NME5: variants seen among roughly 807,000 people sequenced by gnomAD.
NME5 encodes the protein NME/NM23 family member 5, also known as nucleoside diphosphate kinase 5.
A neutral mutation model predicts 21.6 loss-of-function variants in NME5; 18 were observed. That is an observed-to-expected ratio of 0.83 (90% CI 0.58 to 1.24). NME5 has a LOEUF of 1.24. Ranked by LOEUF, NME5 falls within the 50% of genes most tolerant of loss-of-function variation. The pLI is 0.00. For synonymous variants in NME5, 70 were observed against 80.6 expected (o/e 0.87, Z 0.71); for missense variants, 223 against 255.4 (o/e 0.87, Z 0.86).
chr5:138,122,871 G>T (rs2151160820), intron 4 of NME5: 1 of 151,652 alleles, frequency 6.6e-6, no homozygotes, highest in South Asian at 2.1e-4. Context: ...GCAGAGATGG[G>T]GTTTCACTAT....
intron 4 of NME5, among the ~76,000 whole-genome samples, chr5:138,122,699 A>G (rs1407881752): frequency 6.8e-6 from 1 of 147,786 alleles, no homozygotes; most frequent in African/African-American, 2.5e-5. Context: ...TTTTTTTGAG[A>G]CATGGTCTTG....
At position 138,115,492 on chromosome 5, in the gene NME5, C is replaced by T. The variant is rs548360823; in HGVS notation, c.*189G>A. 2.4e-6 allele frequency: 1 copy of T among 413,840 alleles called. No homozygotes were observed. Among genetic ancestry groups the T allele is most frequent in the Admixed American group, 4.0e-5 (1 of 24,888 alleles). 25.6% of individuals were successfully genotyped at this position (413,840 alleles called of 1,614,324 possible). On this transcript the variant is annotated 3_prime_UTR_variant, in exon 6 of 6. Coordinates refer to ENST00000265191, the MANE Select transcript of NME5 (RefSeq NM_003551.3). The stretch of plus-strand genomic sequence containing the variant: ...GTGTTACATCATTGTTAAAATCATA[C>T]TCTAAGCCTATATTTTACCTTAATG...
In NME5 at chr5:138,122,441, T is replaced by TAAAAAA. The variant is rs70979581; in HGVS notation, c.437-3511_437-3506dup. Among the ~76,000 whole-genome samples, 15 of 34,462 alleles carry TAAAAAA rather than the reference T, an allele frequency of 4.4e-4. 1 individual carries two copies. Among genetic ancestry groups the TAAAAAA allele is most frequent in the African/African-American group, 1.2e-3 (11 of 9,280 alleles). The allele number at this position is 34,462 out of a possible 152,430, so 22.6% of individuals were successfully genotyped here. On this transcript the variant is annotated intron_variant, in intron 4 of 5. Coordinates refer to ENST00000265191, the MANE Select transcript of NME5 (RefSeq NM_003551.3). ...GGTGACAAGAGCGAAACTCTGTCTC[T>TAAAAAA]AAAAAAAAAAAAAAAAAAAAAAAAA... is the stretch of plus-strand genomic sequence containing the variant.
At chr5:138,128,699 C>A in intron 3 of NME5, 120 bp from the exon 4 acceptor site, 2 of 605,218 alleles carry the variant, frequency 3.3e-6, no homozygotes, top group South Asian at 2.5e-5. Flanking sequence ...GAAAGCTTCA[C>A]AATTTATGTC....
At chr5:138,136,471 A>G (rs767080410) in intron 2 of NME5, among the ~76,000 whole-genome samples, 2 of 151,934 alleles carry the variant, frequency 1.3e-5, no homozygotes, top group African/African-American at 2.4e-5. Context: ...TGTTCTGCCC[A>G]TTTTTCTACT....
chr5:138,126,434 C>T (rs983930565), intron 4 of NME5, among the ~76,000 whole-genome samples: 7 of 134,652 alleles, frequency 5.2e-5, no homozygotes, highest in African/African-American at 1.9e-4. Flanking sequence ...TTACTTGAGT[C>T]TGCGTGGTCA....
At chr5:138,128,447 T>C (rs1330497934) in intron 4 of NME5, 32 bp downstream of exon 4, 6 of 1,444,970 alleles carry the variant, frequency 4.2e-6, no homozygotes, top group East Asian at 2.3e-5. Flanking sequence ...AATAAGGAGA[T>C]GCAGTTGACA....
At chr5:138,136,800 G>A (rs993151082) in intron 2 of NME5, among the ~76,000 whole-genome samples, 16 of 151,768 alleles carry the variant, frequency 1.1e-4, no homozygotes, top group Admixed American at 2.0e-4. Context: ...GCGCCCCCAC[G>A]CCTGGCTAAT....
intron 2 of NME5, among the ~76,000 whole-genome samples, chr5:138,133,155 C>G (rs966899543): frequency 6.6e-6 from 1 of 150,848 alleles, no homozygotes; most frequent in Non-Finnish European, 1.5e-5. Context: ...GGCTTGAGTG[C>G]AGTGGCGCGA....
intron 4 of NME5, among the ~76,000 whole-genome samples, chr5:138,122,443 A>T (rs890971238): frequency 8.6e-3 from 108 of 12,500 alleles, no homozygotes; most frequent in African/African-American, 0.014. Flanking sequence ...TCTGTCTCTA[A>T]AAAAAAAAAA....
At chr5:138,122,259 C>T (rs1412637478) in intron 4 of NME5, among the ~76,000 whole-genome samples, 1 of 151,122 alleles carries the variant, frequency 6.6e-6, no homozygotes, top group Admixed American at 6.6e-5. Flanking sequence ...CCCAACGTGG[C>T]GAAACCCTGT....
At chr5:138,125,048 G>A (rs1271584830) in intron 4 of NME5, among the ~76,000 whole-genome samples, 1 of 151,874 alleles carries the variant, frequency 6.6e-6, no homozygotes, top group Non-Finnish European at 1.5e-5. Flanking sequence ...TTAGCCTCCA[G>A]AGTAGCTGGG....
intron 2 of NME5, among the ~76,000 whole-genome samples, chr5:138,136,711 C>G (rs557660925): frequency 6.6e-6 from 1 of 151,712 alleles, no homozygotes. Flanking sequence ...GGCACGATCT[C>G]GGCTCACGGC....
At chr5:138,128,189 G>A (rs1044982127) in intron 4 of NME5, among the ~76,000 whole-genome samples, 4 of 152,036 alleles carry the variant, frequency 2.6e-5, no homozygotes, top group Non-Finnish European at 5.9e-5. Context: ...GCACTTCAGC[G>A]TCGGCGACAG....
intron 3 of NME5, 62 bp from the exon 4 acceptor site, chr5:138,128,641 T>A: frequency 9.3e-7 from 1 of 1,080,612 alleles, no homozygotes. Context: ...TTTATATGCA[T>A]GCATTCCACT....
intron 4 of NME5, among the ~76,000 whole-genome samples, chr5:138,121,639 T>A (rs1751287754): frequency 1.3e-5 from 2 of 152,176 alleles, no homozygotes; most frequent in South Asian, 4.1e-4. Flanking sequence ...TCAATTCTGT[T>A]CCAATAATCT....
chr5:138,131,135 G>A (rs1362744280), intron 2 of NME5, among the ~76,000 whole-genome samples: 1 of 150,074 alleles, frequency 6.7e-6, no homozygotes, highest in Non-Finnish European at 1.5e-5. Context: ...GGGAGGCCGA[G>A]GTGGGTGGAT....
At chr5:138,130,035 C>T (rs1262577472) in intron 2 of NME5, among the ~76,000 whole-genome samples, 1 of 152,192 alleles carries the variant, frequency 6.6e-6, no homozygotes, top group Non-Finnish European at 1.5e-5. Flanking sequence ...GTAAATAACA[C>T]TTCAATTAAC....
At chr5:138,120,487 C>T (rs1487943328) in intron 4 of NME5, among the ~76,000 whole-genome samples, 1 of 152,094 alleles carries the variant, frequency 6.6e-6, no homozygotes, top group Non-Finnish European at 1.5e-5. Context: ...AGCCGCCTGC[C>T]TCGGCCTCCC....
Sources: allele counts gnomAD v4.1 joint callset (sites outside exome capture counted in the v4.1 genomes callset), GRCh38; gene constraint gnomAD v4.1.1; transcripts MANE v1.5; gene names NCBI Gene and HGNC (gene_info 2026-07-23, HGNC 2026-07-21).